The following KAZN variants were observed in gnomAD, a reference collection of about 807,000 sequenced individuals.
The protein encoded by KAZN is kazrin, periplakin interacting protein, also known as kazrin.
A neutral mutation model predicts 87.4 loss-of-function variants in KAZN; 40 were observed. That is an observed-to-expected ratio of 0.46 (90% CI 0.36 to 0.60). The LOEUF is 0.60. KAZN is among the 20% of genes least tolerant of loss of function. KAZN has a pLI of 0.00. For missense variants in KAZN, 898 were observed against 1,073.9 expected, an observed-to-expected ratio of 0.84 and a Z score of 2.29; for synonymous variants, 466 against 458.3, an observed-to-expected ratio of 1.02 and a Z score of -0.22.
In KAZN at chr1:14,951,106, C is replaced by A. The variant is rs190546701; in HGVS notation, c.227-9578C>A. Among the ~76,000 whole-genome samples, 446 of 152,276 alleles carry A rather than the reference C, an allele frequency of 2.9e-3. 2 individuals are homozygous for A. The highest frequency in any genetic ancestry group is 4.0e-3 in the Non-Finnish European group (274 of 68,034). ...TCAATCTCAACACATGTGAAAGGCT[C>A]AGAAAGCATAACTGTTATCACCTGG... On this transcript the variant is annotated intron_variant, in intron 1 of 14. Transcript: ENST00000376030.
chr1:14,938,594 T>C (rs1572874922), intron 1 of KAZN, among the ~76,000 whole-genome samples: 2 of 149,418 alleles, frequency 1.3e-5, no homozygotes, highest in African/African-American at 4.9e-5. Flanking sequence ...ACCAGAGAGA[T>C]GGCCAAGTCA....
intron 1 of KAZN, among the ~76,000 whole-genome samples, chr1:14,072,659 A>G (rs1643293409): frequency 6.6e-6 from 1 of 152,222 alleles, no homozygotes. Context: ...ACGAGTGTGC[A>G]CACCTAAGTC....
chr1:14,075,707 T>G (rs1256353678), intron 1 of KAZN, among the ~76,000 whole-genome samples: 1 of 152,180 alleles, frequency 6.6e-6, no homozygotes, highest in Admixed American at 6.5e-5. Flanking sequence ...CGAAGCCACC[T>G]ACCCAAGACA....
At chr1:14,416,152 C>T (rs1051774480) in intron 2 of KAZN, among the ~76,000 whole-genome samples, 4 of 152,160 alleles carry the variant, frequency 2.6e-5, no homozygotes, top group Admixed American at 2.0e-4. Flanking sequence ...GCTGTAGTAG[C>T]ATTTGCAGCA....
At chr1:14,787,318 A>G (rs1397319040) in intron 1 of KAZN, among the ~76,000 whole-genome samples, 3 of 152,222 alleles carry the variant, frequency 2.0e-5, no homozygotes, top group Admixed American at 1.3e-4. Flanking sequence ...CTCCCATGTT[A>G]CAGTAGAAAA....
chr1:15,043,838 T>G, intron 3 of KAZN, 151 bp from the exon 4 acceptor site: 2 of 724,126 alleles, frequency 2.8e-6, no homozygotes, highest in Non-Finnish European at 4.2e-6. Flanking sequence ...AGAGACGGGG[T>G]TTCACCATGT....
intron 2 of KAZN, among the ~76,000 whole-genome samples, chr1:14,530,827 G>A (rs1311419733): frequency 2.0e-5 from 3 of 152,172 alleles, no homozygotes; most frequent in East Asian, 1.9e-4. Context: ...GTTCATGCTT[G>A]TAATCCCAGC....
chr1:14,776,949 AAAAAAAG>A (rs1383965121), intron 1 of KAZN, among the ~76,000 whole-genome samples: 1 of 151,704 alleles, frequency 6.6e-6, no homozygotes, highest in African/African-American at 2.4e-5. Flanking sequence ...AAAAAAAAAA[AAAAAAAG>A]AGACGTCTTT....
At chr1:14,900,697 T>A (rs1655772158) in intron 1 of KAZN, among the ~76,000 whole-genome samples, 1 of 147,672 alleles carries the variant, frequency 6.8e-6, no homozygotes, top group African/African-American at 2.5e-5. Flanking sequence ...GAGGTTGCAG[T>A]GAGCCGAGAT....
intron 1 of KAZN, among the ~76,000 whole-genome samples, chr1:14,665,151 A>G (rs959727491): frequency 1.3e-5 from 2 of 152,112 alleles, no homozygotes; most frequent in Admixed American, 1.3e-4. Context: ...CCTGTGACCA[A>G]CCTCATCTTG....
chr1:14,456,758 A>G (rs1422451136), intron 2 of KAZN, among the ~76,000 whole-genome samples: 3 of 152,304 alleles, frequency 2.0e-5, no homozygotes, highest in East Asian at 1.9e-4. Flanking sequence ...TCTTAAGGTT[A>G]TATGCCCACA....
At chr1:14,416,678 A>G (rs1025551865) in intron 2 of KAZN, among the ~76,000 whole-genome samples, 1 of 152,148 alleles carries the variant, frequency 6.6e-6, no homozygotes, top group African/African-American at 2.4e-5. Flanking sequence ...CAGAGGTTGC[A>G]GTGAGCTGAG....
At chr1:14,353,512 C>A (rs959593298) in intron 2 of KAZN, among the ~76,000 whole-genome samples, 7 of 152,140 alleles carry the variant, frequency 4.6e-5, no homozygotes, top group Non-Finnish European at 7.4e-5. Flanking sequence ...AGCCACCGCG[C>A]CCGGCCGACG....
intron 1 of KAZN, among the ~76,000 whole-genome samples, chr1:13,957,395 TG>T (rs1183352940): frequency 3.3e-5 from 5 of 152,154 alleles, no homozygotes. Flanking sequence ...TTGACAGTAA[TG>T]AGTGCCCTTC....
At chr1:15,076,225 C>T (rs1382364967) in intron 8 of KAZN, among the ~76,000 whole-genome samples, 2 of 152,186 alleles carry the variant, frequency 1.3e-5, no homozygotes, top group African/African-American at 4.8e-5. Flanking sequence ...AGGTAACAGT[C>T]CCGGGTCACT....
intron 8 of KAZN, among the ~76,000 whole-genome samples, chr1:15,068,705 C>T (rs1255405298): frequency 6.6e-6 from 1 of 152,016 alleles, no homozygotes; most frequent in Non-Finnish European, 1.5e-5. Context: ...CAGGCCTCCC[C>T]CAGCGAGACT....
At chr1:14,934,214 T>C (rs575565259) in intron 1 of KAZN, among the ~76,000 whole-genome samples, 3 of 150,764 alleles carry the variant, frequency 2.0e-5, no homozygotes, top group South Asian at 2.1e-4. Flanking sequence ...CTTTTCTTTT[T>C]TTTTTTTTCT....
chr1:14,661,232 A>G (rs1639148259), intron 1 of KAZN, among the ~76,000 whole-genome samples: 2 of 152,214 alleles, frequency 1.3e-5, no homozygotes, highest in South Asian at 4.1e-4. Context: ...GGTCAGAGGC[A>G]GTGAATAAAG....
chr1:14,741,875 T>C (rs772617320), intron 1 of KAZN, among the ~76,000 whole-genome samples: 2 of 152,224 alleles, frequency 1.3e-5, no homozygotes, highest in African/African-American at 2.4e-5. Context: ...TCAACCTTGA[T>C]GTTTGAGCCA....
Sources: gnomAD v4.1 joint callset for allele counts (sites outside exome capture counted in the v4.1 genomes callset) on GRCh38, gnomAD v4.1.1 for gene constraint, MANE v1.5 for transcripts, NCBI Gene and HGNC (gene_info 2026-07-23, HGNC 2026-07-21) for gene names.